The following LRSAM1 variants were observed in gnomAD, a reference collection of about 807,000 sequenced individuals.
LRSAM1 encodes the protein E3 ubiquitin-protein ligase LRSAM1.
Under a neutral mutation model 118.1 loss-of-function variants are expected in LRSAM1, and 96 were observed. The observed-to-expected ratio is 0.81, with a 90% CI of 0.69 to 0.96. LRSAM1 has a LOEUF of 0.96. Ranked by LOEUF, LRSAM1 falls within the 40% of genes least tolerant of loss-of-function variation. The pLI, the probability that LRSAM1 is intolerant of heterozygous loss-of-function variation, is 0.00. For missense variants in LRSAM1, 804 were observed against 915.5 expected, an observed-to-expected ratio of 0.88 and a Z score of 1.57; for synonymous variants, 322 against 364.2, an observed-to-expected ratio of 0.88 and a Z score of 1.32.
At chr9:127,457,929 G>C (rs1181311784) in intron 6 of LRSAM1, among the ~76,000 whole-genome samples, 1 of 151,752 alleles carries the variant, frequency 6.6e-6, no homozygotes, top group East Asian at 1.9e-4. Context: ...ATAATGACAA[G>C]AGAAAAGCCT....
intron 15 of LRSAM1, among the ~76,000 whole-genome samples, chr9:127,481,976 A>C (rs2246579): frequency 6.6e-6 from 1 of 151,692 alleles, no homozygotes; most frequent in South Asian, 2.1e-4. Context: ...AAAAAATCTA[A>C]ATTTCTGGAA....
rs150820300 is a variant in LRSAM1, at chr9:127,473,901, C to T, written c.720C>T (p.Asp240=). 6.2e-7 allele frequency: 1 copy of T among 1,614,248 alleles called. No individual in the cohort carries two copies. Among genetic ancestry groups the T allele is most frequent in the Admixed American group, 1.7e-5 (1 of 60,020 alleles). ...GGGACAGCCCTGATGGGCCCACGGA[C>T]AGATTCTCAAGGGAGGAGTTAGAGT... is the stretch of plus-strand genomic sequence containing the variant. The part of the protein sequence containing the change: ...NSRDSPDGPT[D]RFSREELEWQ... The change falls in exon 11 of 26, where the codon GAC becomes GAT. Residue 240 remains aspartate, a synonymous_variant. Transcript: ENST00000300417.
intron 16 of LRSAM1, among the ~76,000 whole-genome samples, chr9:127,485,281 C>A (rs976857034): frequency 2.6e-5 from 4 of 152,002 alleles, no homozygotes; most frequent in African/African-American, 9.7e-5. Flanking sequence ...AAGAACAGGC[C>A]GGGCGCAGTG....
In LRSAM1 at chr9:127,491,211, T is replaced by C; in HGVS notation, c.1423-4T>C. 1 of 1,612,926 alleles carries C rather than the reference T, an allele frequency of 6.2e-7. No individual in the cohort carries two copies. The highest frequency in any genetic ancestry group is 1.3e-5 in the African/African-American group (1 of 74,974). On this transcript the variant is annotated splice_polypyrimidine_tract_variant and splice_region_variant and intron_variant, in intron 19 of 25. Coordinates refer to ENST00000300417, the MANE Select transcript of LRSAM1 (RefSeq NM_001005373.4). Reference sequence around the variant, plus strand: ...AAAAAAACCCTGTCTCGTCTTCTGTTTAGATTAAGTTAATAGAAACTGAGT... The same window carrying C: ...AAAAAAACCCTGTCTCGTCTTCTGTCTAGATTAAGTTAATAGAAACTGAGT...
intron 20 of LRSAM1, 148 bp from the exon 21 acceptor site, chr9:127,492,654 G>A: frequency 1.4e-6 from 1 of 725,024 alleles, no homozygotes. Flanking sequence ...GGGCAGAAGG[G>A]CCTCTTAGCT....
chr9:127,485,842 T>A lies in LRSAM1; in HGVS notation c.1259+7T>A. ...TCCAGCAGGCCTGTTCCAGGTAAGG[T>A]AAGGAAGAGGAGTCCCAGGTGAGGG... On this transcript the variant is annotated splice_region_variant and intron_variant, in intron 17 of 25. Coordinates refer to ENST00000300417, the MANE Select transcript of LRSAM1 (RefSeq NM_001005373.4). 6.2e-7 allele frequency: 1 copy of A among 1,613,612 alleles called. No individual in the cohort carries two copies. The highest frequency in any genetic ancestry group is 8.5e-7 in the Non-Finnish European group (1 of 1,179,686).
chr9:127,455,293 A>G (rs1412012705), intron 4 of LRSAM1, among the ~76,000 whole-genome samples: 2 of 129,246 alleles, frequency 1.5e-5, no homozygotes, highest in African/African-American at 5.8e-5. Flanking sequence ...AGACTCCTAC[A>G]TTGCTGGAAG....
At chr9:127,479,645 GC>G in intron 13 of LRSAM1, 140 bp downstream of exon 13, 1 of 1,395,128 alleles carries the variant, frequency 7.2e-7, no homozygotes, top group Non-Finnish European at 9.9e-7. Flanking sequence ...ACCTGGGAGG[GC>G]CCTTACAGAT....
rs543612655 is a variant in LRSAM1, at chr9:127,487,478, G to C, written c.1260-198G>C. 5.4e-6 allele frequency: 3 copies of C among 552,950 alleles called. No homozygotes were observed. In the South Asian group the frequency reaches 5.5e-5, roughly 10 times the overall value. 34.3% of individuals were successfully genotyped at this position (552,950 alleles called of 1,614,324 possible). Reference sequence around the variant, plus strand: ...GCATCTCTCTCCCAGCTCCCAACTCGATCCCCTTCCCTCCAGGCCATGGGA... The same window carrying C: ...GCATCTCTCTCCCAGCTCCCAACTCCATCCCCTTCCCTCCAGGCCATGGGA... On this transcript the variant is annotated intron_variant, in intron 17 of 25. Coordinates refer to ENST00000300417, the MANE Select transcript of LRSAM1 (RefSeq NM_001005373.4).
At chr9:127,478,052 CAAA>C (rs368060643) in intron 11 of LRSAM1, among the ~76,000 whole-genome samples, 9 of 72,254 alleles carry the variant, frequency 1.2e-4, no homozygotes, top group Non-Finnish European at 2.4e-4. Flanking sequence ...AACTCCGTCT[CAAA>C]AAAAAAAAAA....
intron 8 of LRSAM1, 101 bp from the exon 9 acceptor site, chr9:127,462,151 G>A (rs998001811): frequency 7.1e-6 from 11 of 1,552,908 alleles, no homozygotes; most frequent in Non-Finnish European, 7.9e-6. Flanking sequence ...CCCAGGATCT[G>A]TTGTGTGCCC....
chr9:127,489,382 A>T, intron 18 of LRSAM1, 62 bp from the exon 19 acceptor site: 1 of 1,554,478 alleles, frequency 6.4e-7, no homozygotes, highest in Admixed American at 1.9e-5. Flanking sequence ...TTTCACAGGG[A>T]TGGGGCTGCA....
chr9:127,474,164 C>G (rs149944984), intron 11 of LRSAM1, among the ~76,000 whole-genome samples: 1 of 152,302 alleles, frequency 6.6e-6, no homozygotes, highest in Non-Finnish European at 1.5e-5. Flanking sequence ...GCTGTCTGTT[C>G]CCTGAACTAA....
chr9:127,466,506 T>TATATA (rs1331732184), intron 9 of LRSAM1, among the ~76,000 whole-genome samples: 15 of 35,120 alleles, frequency 4.3e-4, no homozygotes, highest in South Asian at 1.4e-3. Flanking sequence ...ATATATATAT[T>TATATA]TTTTTTTTTT....
At chr9:127,467,343 G>A (rs994188366) in intron 9 of LRSAM1, among the ~76,000 whole-genome samples, 3 of 152,192 alleles carry the variant, frequency 2.0e-5, no homozygotes, top group Admixed American at 6.5e-5. Flanking sequence ...CATCCACTGC[G>A]CGTGTCCCCA....
At chr9:127,454,736 G>T (rs1352159326) in intron 3 of LRSAM1, 137 bp downstream of exon 3, 2 of 1,014,666 alleles carry the variant, frequency 2.0e-6, no homozygotes, top group African/African-American at 3.2e-5. Context: ...ATTTGACTTA[G>T]ACCCAACAGA....
rs1588143266 is a variant in LRSAM1 at position 127,501,163 on chromosome 9, C to A, written c.2046+20C>A. 1.6e-5 allele frequency: 26 copies of A among 1,609,800 alleles called. No individual in the cohort carries two copies. The highest frequency in any genetic ancestry group is 2.1e-5 in the Non-Finnish European group (25 of 1,179,318). ...CGGGAGGTAAGTCCGGGGCCCTCCC[C>A]ACCCGCCTGCCCTGCCTGTGGCCAC... On this transcript the variant is annotated intron_variant, in intron 25 of 25. Coordinates refer to ENST00000300417, the MANE Select transcript of LRSAM1 (RefSeq NM_001005373.4).
In LRSAM1 at chr9:127,481,185, A is replaced by C; in HGVS notation, c.1046A>C (p.Gln349Pro). ...ACCTTTTATGATTTTCTCCACAGAC[A>C]AAAGAAAAGCTCCGAGATTTTGAAA... ...IQKLLQDNQR[Q>P]KKSSEILKSL... The change falls in exon 15 of 26, where the codon CAA becomes CCA. Residue 349 changes from glutamine to proline, a missense_variant and splice_region_variant. Coordinates refer to ENST00000300417, the MANE Select transcript of LRSAM1 (RefSeq NM_001005373.4). 1.2e-6 allele frequency: 2 copies of C among 1,614,028 alleles called. No homozygotes were observed. Among genetic ancestry groups the C allele is most frequent in the African/African-American group, 1.3e-5 (1 of 75,018 alleles).
intron 11 of LRSAM1, among the ~76,000 whole-genome samples, chr9:127,475,010 T>G (rs1160290113): frequency 1.3e-5 from 2 of 152,086 alleles, no homozygotes; most frequent in African/African-American, 2.4e-5. Context: ...TGCCACCCTT[T>G]CCCGTTTTCC....
Sources: allele counts gnomAD v4.1 joint callset (sites outside exome capture counted in the v4.1 genomes callset), GRCh38; gene constraint gnomAD v4.1.1; transcripts MANE v1.5; gene names NCBI Gene and HGNC (gene_info 2026-07-23, HGNC 2026-07-21).